ESRRG: variants seen among roughly 807,000 people sequenced by gnomAD.
ESRRG encodes estrogen-related receptor gamma.
Under a neutral mutation model 44.0 loss-of-function variants are expected in ESRRG, and 13 were observed. That is an observed-to-expected ratio of 0.30 (90% CI 0.19 to 0.47). ESRRG has a LOEUF of 0.47. ESRRG is among the 20% of genes least tolerant of loss of function. The pLI is 1.00. For synonymous variants in ESRRG, 215 were observed against 214.6 expected, an observed-to-expected ratio of 1.00 and a Z score of -0.02; for missense variants, 395 against 580.6, an observed-to-expected ratio of 0.68 and a Z score of 3.29.
chr1:216,566,707 A>G (rs1191984706), intron 4 of ESRRG, among the ~76,000 whole-genome samples: 1 of 152,192 alleles, frequency 6.6e-6, no homozygotes, highest in Non-Finnish European at 1.5e-5. Flanking sequence ...TTTTATTATA[A>G]TGTGCAAAAT....
At chr1:216,993,601 C>T (rs1013873055) in intron 1 of ESRRG, among the ~76,000 whole-genome samples, 6 of 152,112 alleles carry the variant, frequency 3.9e-5, no homozygotes, top group Admixed American at 6.6e-5. Flanking sequence ...TTTGAACTCA[C>T]CCGGAGATGA....
intron 5 of ESRRG, among the ~76,000 whole-genome samples, chr1:216,548,522 A>T (rs1264123886): frequency 3.9e-5 from 6 of 152,132 alleles, no homozygotes; most frequent in Admixed American, 1.3e-4. Flanking sequence ...TAACCAAAAG[A>T]ACAAAGCTAG....
chr1:216,575,022 G>A (rs1176083764), intron 3 of ESRRG, among the ~76,000 whole-genome samples: 2 of 152,026 alleles, frequency 1.3e-5, no homozygotes, highest in South Asian at 4.1e-4. Flanking sequence ...TTAGAAGAGC[G>A]GCAGGAAAAG....
chr1:216,728,841 A>G (rs2152114350), intron 2 of ESRRG, among the ~76,000 whole-genome samples: 1 of 152,178 alleles, frequency 6.6e-6, no homozygotes, highest in South Asian at 2.1e-4. Context: ...CCATATAAAC[A>G]GGTTTAAAGA....
chr1:216,801,656 AT>A (rs2094624083), intron 2 of ESRRG, among the ~76,000 whole-genome samples: 1 of 152,072 alleles, frequency 6.6e-6, no homozygotes, highest in Non-Finnish European at 1.5e-5. Context: ...ATGATATGTC[AT>A]TGTGGTTTCG....
chr1:216,592,315 T>C (rs1400375570), intron 3 of ESRRG, among the ~76,000 whole-genome samples: 1 of 152,160 alleles, frequency 6.6e-6, no homozygotes, highest in Non-Finnish European at 1.5e-5. Flanking sequence ...TGGCTCACAC[T>C]CTCTTTTCTT....
intron 1 of ESRRG, among the ~76,000 whole-genome samples, chr1:217,133,633 C>CTTTCTTTCTTTCTTTCTTTCTTTCTT (rs763709770): frequency 1.1e-3 from 104 of 96,676 alleles, no homozygotes; most frequent in Non-Finnish European, 1.7e-3. Flanking sequence ...TTCTTTCTTT[C>CTTTCTTTCTTTCTTTCTTTCTTTCTT]TCTCTCTCTC....
chr1:216,653,268 GTTA>G, intron 2 of ESRRG, among the ~76,000 whole-genome samples: 1 of 152,316 alleles, frequency 6.6e-6, no homozygotes, highest in East Asian at 1.9e-4. Flanking sequence ...GACTATGGCA[GTTA>G]TCCCCTCCCT....
chr1:216,853,201 G>A (rs1356939224), intron 2 of ESRRG, among the ~76,000 whole-genome samples: 1 of 152,172 alleles, frequency 6.6e-6, no homozygotes, highest in Non-Finnish European at 1.5e-5. Context: ...GTAGAGCAGT[G>A]CATATAGGCC....
chr1:216,911,501 A>G (rs1230373310), intron 2 of ESRRG, among the ~76,000 whole-genome samples: 2 of 152,324 alleles, frequency 1.3e-5, no homozygotes, highest in East Asian at 1.9e-4. Flanking sequence ...TACTCTGTAT[A>G]ATGTTATAAT....
In ESRRG at chr1:217,117,472, G is replaced by A. The variant is rs189662810; in HGVS notation, c.-230+20195C>T. 5.1e-4 allele frequency among the ~76,000 whole-genome samples: 77 copies of A among 151,964 alleles called. No homozygotes were observed. The East Asian group carries it at 0.014, about 28-fold the overall frequency. On this transcript the variant is annotated intron_variant, in intron 1 of 8. Transcript: ENST00000366940. ...TAGTGGTGCATGCCTGTAGTCCCAG[G>A]TACTCTGGAGGCTGAGATGGATTGA...
At chr1:216,547,281 C>T (rs891850451) in intron 5 of ESRRG, among the ~76,000 whole-genome samples, 6 of 122,930 alleles carry the variant, frequency 4.9e-5, no homozygotes, top group Non-Finnish European at 7.0e-5. Context: ...ATGATGATAC[C>T]AAAATCCATT....
chr1:217,030,713 G>C (rs1217342612), intron 1 of ESRRG, among the ~76,000 whole-genome samples: 1 of 152,220 alleles, frequency 6.6e-6, no homozygotes, highest in African/African-American at 2.4e-5. Flanking sequence ...ACATGTTCCA[G>C]GGTTGTGTTG....
At chr1:216,996,864 G>A (rs1191569564) in intron 1 of ESRRG, among the ~76,000 whole-genome samples, 1 of 152,072 alleles carries the variant, frequency 6.6e-6, no homozygotes, top group Non-Finnish European at 1.5e-5. Context: ...TGGCCCCAAT[G>A]AGACTGCAAA....
At chr1:217,127,592 T>C (rs552976360) in intron 1 of ESRRG, among the ~76,000 whole-genome samples, 4 of 152,280 alleles carry the variant, frequency 2.6e-5, no homozygotes, top group African/African-American at 9.6e-5. Flanking sequence ...CTAAGCAACA[T>C]AATGTGGTAA....
chr1:217,045,493 C>T (rs539573597), intron 1 of ESRRG, among the ~76,000 whole-genome samples: 1 of 152,272 alleles, frequency 6.6e-6, no homozygotes, highest in South Asian at 2.1e-4. Flanking sequence ...TAGAGTAAAC[C>T]CATTAACTAC....
Position 216,560,723 on chromosome 1 carries a change from G to C in ESRRG, c.862+3496C>G, listed in dbSNP as rs540280440. ...TCGAAAAAAGGCCAACAATGGAGAG[G>C]GAGTGAAGTGGAGTGTGCAGTACCT... On this transcript the variant is annotated intron_variant, in intron 5 of 6. Transcript: ENST00000408911. Among the ~76,000 whole-genome samples, 9 of 152,292 alleles carry C rather than the reference G, an allele frequency of 5.9e-5. 1 individual carries two copies. Among genetic ancestry groups the C allele is most frequent in the African/African-American group, 1.7e-4 (7 of 41,560 alleles).
intron 2 of ESRRG, among the ~76,000 whole-genome samples, chr1:216,794,451 T>G (rs533233586): frequency 6.6e-5 from 10 of 152,248 alleles, no homozygotes; most frequent in African/African-American, 2.4e-4. Context: ...TCCCTCCAGA[T>G]CCACCAACCC....
intron 1 of ESRRG, among the ~76,000 whole-genome samples, chr1:216,940,711 A>G (rs2065076600): frequency 6.6e-6 from 1 of 152,150 alleles, no homozygotes. Flanking sequence ...CCTCAGAGGG[A>G]CCTCTAAATC....
Sources: gnomAD v4.1 joint callset for allele counts (sites outside exome capture counted in the v4.1 genomes callset) on GRCh38, gnomAD v4.1.1 for gene constraint, MANE v1.5 for transcripts, NCBI Gene and HGNC (gene_info 2026-07-23, HGNC 2026-07-21) for gene names.